Variants in PDK1 observed in about 807,000 individuals in gnomAD.
PDK1 encodes the protein pyruvate dehydrogenase kinase 1, also known as [Pyruvate dehydrogenase (acetyl-transferring)] kinase isozyme 1, mitochondrial.
Under a neutral mutation model 54.2 loss-of-function variants are expected in PDK1, and 39 were observed. The observed-to-expected ratio is 0.72, with a 90% CI of 0.56 to 0.94. PDK1 has a LOEUF of 0.94. Ranked by LOEUF, PDK1 falls within the 40% of genes least tolerant of loss-of-function variation. PDK1 has a pLI of 0.00. For synonymous variants in PDK1, 221 were observed against 207.1 expected, an observed-to-expected ratio of 1.07 and a Z score of -0.58; for missense variants, 552 against 566.0, an observed-to-expected ratio of 0.98 and a Z score of 0.25.
Position 172,607,010 on chromosome 2 carries a change from A to C in PDK1, c.*11041A>C, listed in dbSNP as rs1158036524. ...GATTATATAAGGGTGGAAATATAAA[A>C]GAGTAAGCCTTTAGAAACAGTTTGT... On this transcript the variant is annotated 3_prime_UTR_variant, in exon 11 of 11. Coordinates refer to ENST00000282077, the MANE Select transcript of PDK1 (RefSeq NM_002610.5). The C allele has an allele frequency of 6.6e-6, 1 of 152,242 alleles. No individual in the cohort carries two copies. The highest frequency in any genetic ancestry group is 1.5e-5 in the Non-Finnish European group (1 of 68,036). The allele number at this position is 152,242 out of a possible 1,614,324, so 9.4% of individuals were successfully genotyped here. A position where few individuals can be genotyped will look rare whatever the true frequency, so the allele number is the denominator to read the frequency against.
the PDK1 span, among the ~76,000 whole-genome samples, chr2:172,634,209 G>A: frequency 0.99 from 147,576 of 149,572 alleles, 72,849 homozygotes; most frequent in Middle Eastern, 1. Flanking sequence ...TTTTCATTCA[G>A]CATTATGTTT....
rs200946287 is a variant in PDK1, at chr2:172,603,892, GT to G, written c.*7926del. On this transcript the variant is annotated 3_prime_UTR_variant, in exon 11 of 11. Coordinates refer to ENST00000282077, the MANE Select transcript of PDK1 (RefSeq NM_002610.5). ...TGTCCTGTATGGGTGACTGCTGAGGGTTTAACAAAGGAGAGTCCATTTATAT... is the reference window on the plus strand; with the variant it reads ...TGTCCTGTATGGGTGACTGCTGAGGGTTAACAAAGGAGAGTCCATTTATAT... The G allele has an allele frequency of 0.013, 1,982 of 152,272 alleles. 33 individuals carry two copies. Among genetic ancestry groups the G allele is most frequent in the Middle Eastern group, 0.02 (6 of 294 alleles). The allele number at this position is 152,272 out of a possible 1,614,324, so 9.4% of individuals were successfully genotyped here.
At chr2:172,643,399 A>G in the PDK1 span, among the ~76,000 whole-genome samples, 1 of 152,302 alleles carries the variant, frequency 6.6e-6, no homozygotes, top group African/African-American at 2.4e-5. Context: ...ATCAGTCCCA[A>G]GCCTCGATCT....
At chr2:172,563,533 G>T (rs1427067969) in intron 3 of PDK1, among the ~76,000 whole-genome samples, 1 of 152,128 alleles carries the variant, frequency 6.6e-6, no homozygotes, top group Non-Finnish European at 1.5e-5. Context: ...TTTCGTTACT[G>T]CATAATTAAG....
the PDK1 span, among the ~76,000 whole-genome samples, chr2:172,693,225 A>G: frequency 6.6e-6 from 1 of 152,260 alleles, no homozygotes; most frequent in Non-Finnish European, 1.5e-5. Flanking sequence ...CAGAATGTCC[A>G]TATGCCCTGG....
chr2:172,691,522 A>G, the PDK1 span: 1 of 152,358 alleles, frequency 6.6e-6, no homozygotes, highest in African/African-American at 2.4e-5. Flanking sequence ...TAGAATCATT[A>G]CAGAGTAGAT....
intron 1 of PDK1, 121 bp from the exon 2 acceptor site, chr2:172,558,587 A>C: frequency 6.2e-6 from 5 of 809,948 alleles, no homozygotes; most frequent in East Asian, 2.6e-5. Context: ...TCCCTGCCCC[A>C]TCGTGGTGAT....
intron 1 of PDK1, 62 bp from the exon 2 acceptor site, chr2:172,558,646 C>CTCTT: frequency 7.0e-7 from 1 of 1,423,060 alleles, no homozygotes; most frequent in East Asian, 2.4e-5. Flanking sequence ...TTCTCTCAGC[C>CTCTT]TCTTGCCTTC....
At chr2:172,584,944 A>G (rs1455133860) in intron 8 of PDK1, among the ~76,000 whole-genome samples, 2 of 146,388 alleles carry the variant, frequency 1.4e-5, no homozygotes, top group African/African-American at 5.1e-5. Flanking sequence ...TGTTGGGATT[A>G]TATGTGTGAG....
intron 6 of PDK1, among the ~76,000 whole-genome samples, chr2:172,567,248 C>A (rs1004272240): frequency 2.6e-4 from 40 of 152,258 alleles, no homozygotes; most frequent in African/African-American, 9.1e-4. Context: ...CTTTTACATG[C>A]ACTTCACTAA....
chr2:172,649,525 T>C, the PDK1 span, among the ~76,000 whole-genome samples: 7 of 151,964 alleles, frequency 4.6e-5, no homozygotes, highest in Non-Finnish European at 7.4e-5. Flanking sequence ...TGATCGGTAA[T>C]AACAAACTTC....
At chr2:172,571,857 A>C (rs1276913754) in intron 8 of PDK1, among the ~76,000 whole-genome samples, 46 of 86,450 alleles carry the variant, frequency 5.3e-4, no homozygotes, top group African/African-American at 2.2e-3. Flanking sequence ...TTTGAGATGG[A>C]GTCTTGCTCT....
chr2:172,710,083 G>T, the PDK1 span, among the ~76,000 whole-genome samples: 1 of 152,184 alleles, frequency 6.6e-6, no homozygotes, highest in Non-Finnish European at 1.5e-5. Flanking sequence ...ATGCAGCCAG[G>T]GGAACTTAGT....
At chr2:172,659,236 A>T in the PDK1 span, among the ~76,000 whole-genome samples, 1 of 152,216 alleles carries the variant, frequency 6.6e-6, no homozygotes, top group South Asian at 2.1e-4. Flanking sequence ...TCATGTTGAA[A>T]TACGGGGGGC....
At chr2:172,592,899 C>A in intron 9 of PDK1, 36 bp from the exon 10 acceptor site, 1 of 1,148,142 alleles carries the variant, frequency 8.7e-7, no homozygotes, top group South Asian at 1.2e-5. Context: ...CAGTGTGTGT[C>A]TTTCTGAATA....
intron 3 of PDK1, chr2:172,562,813 A>T: frequency 1.9e-6 from 3 of 1,610,802 alleles, no homozygotes; most frequent in Non-Finnish European, 2.5e-6. Flanking sequence ...AAGTAATATG[A>T]CAATGTTAAT....
At chr2:172,674,077 A>C in the PDK1 span, 1 of 152,242 alleles carries the variant, frequency 6.6e-6, no homozygotes, top group South Asian at 2.1e-4. Context: ...CTTGACTAAC[A>C]ATTTATTGTG....
chr2:172,559,522 T>C (rs1688543240), intron 2 of PDK1, among the ~76,000 whole-genome samples: 1 of 152,166 alleles, frequency 6.6e-6, no homozygotes, highest in African/African-American at 2.4e-5. Context: ...TATGATTCTC[T>C]CCATTTTATT....
At chr2:172,555,644 G>A (rs1688269033), upstream of PDK1, 1 of 152,320 alleles carries the variant, frequency 6.6e-6, no homozygotes, top group South Asian at 2.1e-4. Flanking sequence ...GCACGACACC[G>A]CGGTGTGTGC....
Sources: gnomAD v4.1 joint callset for allele counts (sites outside exome capture counted in the v4.1 genomes callset) on GRCh38, gnomAD v4.1.1 for gene constraint, MANE v1.5 for transcripts, NCBI Gene and HGNC (gene_info 2026-07-23, HGNC 2026-07-21) for gene names.